The following ERBB4 variants were observed in gnomAD, a reference collection of about 807,000 sequenced individuals.
The protein encoded by ERBB4 is erb-b2 receptor tyrosine kinase 4, also known as receptor tyrosine-protein kinase erbB-4.
ERBB4 carries 42 observed loss-of-function variants against 158.0 expected under a neutral mutation model. The observed-to-expected ratio is 0.27, with a 90% CI of 0.21 to 0.34. The LOEUF is 0.34. Ranked by LOEUF, ERBB4 falls within the 10% of genes least tolerant of loss-of-function variation. The probability of loss-of-function intolerance (pLI) is 1.00; values close to 1 mark genes in which losing one functional copy is unlikely to be tolerated. For synonymous variants in ERBB4, 583 were observed against 558.7 expected (o/e 1.04, Z -0.61); for missense variants, 1,333 against 1,624.1 (o/e 0.82, Z 3.08).
At chr2:212,047,559 G>T (rs2077287766) in intron 2 of ERBB4, among the ~76,000 whole-genome samples, 1 of 151,764 alleles carries the variant, frequency 6.6e-6, no homozygotes. Flanking sequence ...TGCAACTTCT[G>T]CCTCTTGGGT....
chr2:211,793,998 T>C (rs972307785), intron 3 of ERBB4, among the ~76,000 whole-genome samples: 1 of 151,896 alleles, frequency 6.6e-6, no homozygotes, highest in African/African-American at 2.4e-5. Flanking sequence ...TAACCTTCTA[T>C]ATTTCAGCTC....
intron 1 of ERBB4, among the ~76,000 whole-genome samples, chr2:212,479,503 G>A (rs1235180242): frequency 6.6e-6 from 1 of 152,114 alleles, no homozygotes; most frequent in Non-Finnish European, 1.5e-5. Context: ...AGTACTTACT[G>A]TGCGCCGAGC....
chr2:211,658,672 A>T (rs569147358), intron 15 of ERBB4, among the ~76,000 whole-genome samples: 2 of 152,302 alleles, frequency 1.3e-5, no homozygotes, highest in Admixed American at 1.3e-4. Flanking sequence ...AAACAAAAAC[A>T]AGTTTTTAAA....
intron 1 of ERBB4, among the ~76,000 whole-genome samples, chr2:212,188,241 C>A (rs1335988099): frequency 3.8e-5 from 1 of 26,550 alleles, no homozygotes; most frequent in Admixed American, 5.3e-4. Context: ...TCTCCCCCCC[C>A]CTCTCACCCC....
chr2:211,671,075 T>G (rs2071820014), intron 14 of ERBB4, among the ~76,000 whole-genome samples: 1 of 152,156 alleles, frequency 6.6e-6, no homozygotes, highest in Non-Finnish European at 1.5e-5. Context: ...TCTATAGGAT[T>G]AGGTGAACTA....
chr2:211,833,247 A>G (rs189103791), intron 3 of ERBB4, among the ~76,000 whole-genome samples: 71 of 152,258 alleles, frequency 4.7e-4, no homozygotes, highest in Non-Finnish European at 8.1e-4. Context: ...AGTACTCTAG[A>G]AATAAGGCAG....
At chr2:212,340,331 T>C (rs944576912) in intron 1 of ERBB4, among the ~76,000 whole-genome samples, 10 of 152,152 alleles carry the variant, frequency 6.6e-5, no homozygotes, top group Admixed American at 6.6e-4. Flanking sequence ...ACAGACAGAA[T>C]AGGGAAGATG....
intron 2 of ERBB4, among the ~76,000 whole-genome samples, chr2:212,010,264 T>G (rs1251563743): frequency 6.6e-6 from 1 of 152,160 alleles, no homozygotes; most frequent in Non-Finnish European, 1.5e-5. Context: ...CTTTTAACCC[T>G]CAAAAACTAG....
chr2:212,052,395 A>G (rs1316556667), intron 2 of ERBB4, among the ~76,000 whole-genome samples: 7 of 152,144 alleles, frequency 4.6e-5, no homozygotes. Context: ...CAGATAGCCT[A>G]TTGTGGGACT....
intron 2 of ERBB4, among the ~76,000 whole-genome samples, chr2:212,028,955 G>T (rs2076837915): frequency 6.6e-6 from 1 of 152,008 alleles, no homozygotes; most frequent in African/African-American, 2.4e-5. Flanking sequence ...CCAAATTGAG[G>T]ACTAGCTAAA....
intron 25 of ERBB4, among the ~76,000 whole-genome samples, chr2:211,418,504 C>A (rs539037230): frequency 4.4e-4 from 67 of 152,120 alleles, no homozygotes; most frequent in South Asian, 1.2e-3. Flanking sequence ...GGCTAAAGGT[C>A]AAATAAGTCC....
At chr2:211,387,171 T>C (rs2062703789) in intron 26 of ERBB4, 21 bp from the exon 27 acceptor site, 1 of 1,576,286 alleles carries the variant, frequency 6.3e-7, no homozygotes, top group South Asian at 1.1e-5. Flanking sequence ...GAGAAACATA[T>C]GTGGAGAGAA....
chr2:211,535,857 T>C (rs1391711123), intron 20 of ERBB4: 1 of 152,106 alleles, frequency 6.6e-6, no homozygotes, highest in Non-Finnish European at 1.5e-5. Context: ...GAAATATTTC[T>C]ATAATAGCTA....
chr2:212,515,448 A>G (rs1239713999), intron 1 of ERBB4, among the ~76,000 whole-genome samples: 1 of 152,070 alleles, frequency 6.6e-6, no homozygotes, highest in Non-Finnish European at 1.5e-5. Context: ...CTTAGGAAAT[A>G]TAAATGTTTT....
chr2:211,981,141 G>A (rs1345159442), intron 2 of ERBB4, among the ~76,000 whole-genome samples: 2 of 152,068 alleles, frequency 1.3e-5, no homozygotes, highest in South Asian at 4.2e-4. Context: ...TCAGCAATAT[G>A]CTGAAAGCAA....
chr2:212,263,455 T>C (rs954043369), intron 1 of ERBB4, among the ~76,000 whole-genome samples: 19 of 152,272 alleles, frequency 1.2e-4, no homozygotes, highest in East Asian at 3.9e-4. Context: ...GGGATTCCTC[T>C]TGGATTACAG....
chr2:212,522,307 T>C (rs1171861906), intron 1 of ERBB4, among the ~76,000 whole-genome samples: 2 of 152,002 alleles, frequency 1.3e-5, no homozygotes, highest in Non-Finnish European at 2.9e-5. Context: ...CACTTCCTGA[T>C]ACAGTTGGCC....
intron 4 of ERBB4, among the ~76,000 whole-genome samples, chr2:211,776,903 C>T (rs147366606): frequency 6.9e-4 from 105 of 152,064 alleles, no homozygotes; most frequent in African/African-American, 2.5e-3. Context: ...GGTAGGAGGG[C>T]CTTAAGATTT....
At position 211,679,148 on chromosome 2, in the gene ERBB4, C is replaced by A. The variant is rs376154931; in HGVS notation, c.1526G>T (p.Ser509Ile). 3 of 1,613,896 alleles carry A rather than the reference C, an allele frequency of 1.9e-6. No homozygotes were observed. In the African/African-American group the frequency reaches 4.0e-5, roughly 22 times the overall value. Reference sequence around the variant, plus strand: ...TGGCCCAGGTCCCCAACAGCCATCACTGGAACACAGATGGTTGCACACCAT... The same window carrying A: ...TGGCCCAGGTCCCCAACAGCCATCAATGGAACACAGATGGTTGCACACCAT... Reference protein sequence around the residue: ...EGMVCNHLCSSDGCWGPGPDQ... With the variant: ...EGMVCNHLCSIDGCWGPGPDQ... The change falls in exon 13 of 28, where the codon AGT becomes ATT. Residue 509 changes from serine (S) to isoleucine (I), a missense_variant. Ser to Ile is a moderately radical substitution (Grantham distance 142). This residue lies in a region of ERBB4 where 245 missense variants were observed against 247.5 expected (regional missense o/e 0.99). Coordinates refer to ENST00000342788, the MANE Select transcript of ERBB4 (RefSeq NM_005235.3).
Sources: allele counts gnomAD v4.1 joint callset (sites outside exome capture counted in the v4.1 genomes callset), GRCh38; gene constraint gnomAD v4.1.1; regional missense constraint gnomAD v4.1.1; transcripts MANE v1.5; gene names NCBI Gene and HGNC (gene_info 2026-07-23, HGNC 2026-07-21).